The following PIGV variants were observed in gnomAD, a reference collection of about 807,000 sequenced individuals.
PIGV encodes GPI alpha-1,6-mannosyltransferase 2.
PIGV carries 27 observed loss-of-function variants against 39.2 expected under a neutral mutation model. The ratio of observed to expected loss-of-function variants is 0.69; its 90% CI spans 0.51 to 0.95. PIGV has a LOEUF of 0.95. Ranked by LOEUF, PIGV falls within the 40% of genes least tolerant of loss-of-function variation. The probability of loss-of-function intolerance (pLI) is 0.00; values close to 1 mark genes in which losing one functional copy is unlikely to be tolerated. For missense variants in PIGV, 523 were observed against 586.4 expected, an observed-to-expected ratio of 0.89 and a Z score of 1.12; for synonymous variants, 232 against 241.7, an observed-to-expected ratio of 0.96 and a Z score of 0.37.
At position 26,798,246 on chromosome 1, in the gene PIGV, A is replaced by G; in HGVS notation, c.*402A>G. ...CTGGTAACAGTCCACACAAGATGGT[A>G]TAGGCCTGAACAGTGTAGTGGCAGT... On this transcript the variant is annotated 3_prime_UTR_variant, in exon 4 of 4. Transcript: ENST00000674202. 3.5e-6 allele frequency: 1 copy of G among 287,334 alleles called. No homozygotes were observed. The highest frequency in any genetic ancestry group is 3.6e-5 in the South Asian group (1 of 28,138). 17.8% of individuals were successfully genotyped at this position (287,334 alleles called of 1,614,324 possible).
Position 26,790,779 on chromosome 1 carries a change from C to G in PIGV, c.-37C>G. On this transcript the variant is annotated 5_prime_UTR_variant, in exon 2 of 4. Coordinates refer to ENST00000674202, the MANE Select transcript of PIGV (RefSeq NM_017837.4). ...TTTAGAGGCCTGAGGGAGCTCAATC[C>G]TGGTAGCAACACCCCTGAATTCCTG... 1.3e-6 allele frequency: 2 copies of G among 1,565,630 alleles called. No individual in the cohort carries two copies. The highest frequency in any genetic ancestry group is 1.8e-6 in the Non-Finnish European group (2 of 1,135,682).
rs911223006 is a variant in PIGV, at chr1:26,798,950, G to C, written c.*1106G>C. Among the ~76,000 whole-genome samples the C allele has an allele frequency of 6.6e-6, 1 of 152,146 alleles. No individual in the cohort carries two copies. The highest frequency in any genetic ancestry group is 1.5e-5 in the Non-Finnish European group (1 of 68,010). Reference sequence around the variant, plus strand: ...AAATGATGATATTCTTCAGGGGGTGGTGGTGAATGATGCAGTCTCTTGTAG... The same window carrying C: ...AAATGATGATATTCTTCAGGGGGTGCTGGTGAATGATGCAGTCTCTTGTAG... On this transcript the variant is annotated 3_prime_UTR_variant, in exon 4 of 4. Coordinates refer to ENST00000674202, the MANE Select transcript of PIGV (RefSeq NM_017837.4).
At chr1:26,793,989 C>T (rs1320564209) in intron 2 of PIGV, 124 bp from the exon 3 acceptor site, 1 of 873,552 alleles carries the variant, frequency 1.1e-6, no homozygotes, top group Non-Finnish European at 1.9e-6. Flanking sequence ...AAGTAATCCT[C>T]CCATCTCAGC....
intron 1 of PIGV, chr1:26,788,679 C>G (rs909077724): frequency 6.6e-6 from 1 of 152,148 alleles, no homozygotes; most frequent in African/African-American, 2.4e-5. Context: ...GCCCTGGGTA[C>G]GTCACTTGAC....
chr1:26,791,521 G>A (rs764633608), intron 2 of PIGV, among the ~76,000 whole-genome samples: 20 of 152,134 alleles, frequency 1.3e-4, no homozygotes, highest in Non-Finnish European at 2.4e-4. Flanking sequence ...ACAGTGCTTG[G>A]TGCCTAGCTC....
chr1:26,794,594 G>A lies in PIGV; in HGVS notation c.560G>A (p.Gly187Asp). 6.2e-7 allele frequency: 1 copy of A among 1,614,240 alleles called. No homozygotes were observed. The highest frequency in any genetic ancestry group is 1.1e-5 in the South Asian group (1 of 91,090). The stretch of plus-strand genomic sequence containing the variant: ...AGTGCCATGGGGCAGCTGGAGAGGG[G>A]CCGAGTCTGGACTAGTGTACTCCTC... ...TFSAMGQLERGRVWTSVLLFA... is the reference protein window; with the variant it reads ...TFSAMGQLERDRVWTSVLLFA... The change falls in exon 3 of 4, where the codon GGC (glycine) becomes GAC (aspartate). Residue 187 changes from glycine to aspartate, a missense_variant. By Grantham distance (94) the Gly-to-Asp change is moderately conservative (BLOSUM62 -1). Transcript: ENST00000674202.
Position 26,794,565 on chromosome 1 carries a change from A to G in PIGV, c.531A>G (p.Thr177=), listed in dbSNP as rs1057515474. The G allele has an allele frequency of 3.7e-6, 6 of 1,614,190 alleles. No individual in the cohort carries two copies. Among genetic ancestry groups the G allele is most frequent in the Admixed American group, 3.3e-5 (2 of 60,026 alleles). Residue 177 remains threonine (T), a synonymous_variant, in exon 3 of 4, where the codon ACA becomes ACG. Coordinates refer to ENST00000674202, the MANE Select transcript of PIGV (RefSeq NM_017837.4). ...CAGAAGCTTTGTTTGCCCTCCTGACATTCAGTGCCATGGGGCAGCTGGAGA... is the reference window on the plus strand; with the variant it reads ...CAGAAGCTTTGTTTGCCCTCCTGACGTTCAGTGCCATGGGGCAGCTGGAGA... ...GYSEALFALL[T]FSAMGQLERG...
In PIGV at chr1:26,794,672, T is replaced by C. The variant is rs146852030; in HGVS notation, c.638T>C (p.Leu213Pro). 7 of 1,614,136 alleles carry C rather than the reference T, an allele frequency of 4.3e-6. No homozygotes were observed. In the African/African-American group the frequency reaches 5.3e-5, roughly 12 times the overall value. ...RSNGLVSVGF[L>P]MHSQCQGFFS... ...AACGGGCTGGTCAGTGTTGGCTTCCTCATGCATTCTCAATGCCAAGGCTTT... is the reference window on the plus strand; with the variant it reads ...AACGGGCTGGTCAGTGTTGGCTTCCCCATGCATTCTCAATGCCAAGGCTTT... The change falls in exon 3 of 4, where the codon CTC becomes CCC. Residue 213 changes from leucine (L) to proline (P), a missense_variant. Physicochemically the swap from Leu to Pro is moderately conservative, Grantham distance 98. Transcript: ENST00000674202.
At chr1:26,790,301 G>A (rs2081293402) in intron 1 of PIGV, among the ~76,000 whole-genome samples, 1 of 152,038 alleles carries the variant, frequency 6.6e-6, no homozygotes, top group Admixed American at 6.5e-5. Context: ...CCAAATAATA[G>A]CAACCACAAC....
chr1:26,794,472 C>G lies in PIGV; in HGVS notation c.438C>G (p.His146Gln). The change falls in exon 3 of 4, where the codon CAC becomes CAG. Residue 146 changes from histidine (H) to glutamine (Q), a missense_variant. Coordinates refer to ENST00000674202, the MANE Select transcript of PIGV (RefSeq NM_017837.4). Reference protein sequence around the residue: ...DLGCLVLHCPHQSFYAALLFC... With the variant: ...DLGCLVLHCPQQSFYAALLFC... ...GTTGTCTGGTTTTGCACTGTCCCCA[C>G]CAGTCCTTTTATGCAGCTCTGCTTT... 5 of 1,614,238 alleles carry G rather than the reference C, an allele frequency of 3.1e-6. No individual in the cohort carries two copies. Among genetic ancestry groups the G allele is most frequent in the Non-Finnish European group, 4.2e-6 (5 of 1,180,044 alleles).
At chr1:26,795,343 TATTC>T (rs1016739558) in intron 3 of PIGV, 109 bp downstream of exon 3, 1 of 1,266,466 alleles carries the variant, frequency 7.9e-7, no homozygotes, top group Admixed American at 1.7e-5. Flanking sequence ...ATACTGAATT[TATTC>T]ATTCAATGAC....
rs763773056 is a variant in PIGV, at chr1:26,794,766, G to A, written c.732G>A (p.Ser244=). The A allele has an allele frequency of 1.9e-5, 30 of 1,613,926 alleles. No homozygotes were observed. Among genetic ancestry groups the A allele is most frequent in the African/African-American group, 2.7e-5 (2 of 74,860 alleles). ...AGCTGATGGCCTCTCTGTTTCTGTC[G>A]GTGTTCACACTTGGCCTTCCCTTTG... is the stretch of plus-strand genomic sequence containing the variant. The part of the protein sequence containing the change: ...LFKLMASLFL[S]VFTLGLPFAL... Residue 244 remains serine (S), a synonymous_variant, in exon 3 of 4, where the codon TCG becomes TCA. Coordinates refer to ENST00000674202, the MANE Select transcript of PIGV (RefSeq NM_017837.4).
In PIGV at chr1:26,797,865, G is replaced by A. The variant is rs374984126; in HGVS notation, c.*21G>A. ...CATGACCTGGACTCTCCAGGGACAGGTTGGAAGCCAACTTAACCCAGGGGT... is the reference window on the plus strand; with the variant it reads ...CATGACCTGGACTCTCCAGGGACAGATTGGAAGCCAACTTAACCCAGGGGT... On this transcript the variant is annotated 3_prime_UTR_variant, in exon 4 of 4. Coordinates refer to ENST00000674202, the MANE Select transcript of PIGV (RefSeq NM_017837.4). 21 of 1,613,388 alleles carry A rather than the reference G, an allele frequency of 1.3e-5. No individual in the cohort carries two copies. The highest frequency in any genetic ancestry group is 1.1e-4 in the African/African-American group (8 of 75,036).
In PIGV at chr1:26,797,786, T is replaced by A; in HGVS notation, c.1424T>A (p.Phe475Tyr). Residue 475 changes from phenylalanine (F) to tyrosine (Y), a missense_variant, in exon 4 of 4, where the codon TTC (phenylalanine) becomes TAC (tyrosine). By Grantham distance (22) the Phe-to-Tyr change is conservative (BLOSUM62 3). Transcript: ENST00000674202. ...GTCACACGATACATTCTAGGCTACT[T>A]CCTGACTTACTGGCTCCTGGGACTA... ...SPVTRYILGY[F>Y]LTYWLLGLLL... 2 of 1,614,120 alleles carry A rather than the reference T, an allele frequency of 1.2e-6. No homozygotes were observed. The highest frequency in any genetic ancestry group is 1.7e-6 in the Non-Finnish European group (2 of 1,179,982).
intron 2 of PIGV, 122 bp downstream of exon 2, chr1:26,791,015 A>G: frequency 3.8e-6 from 3 of 786,590 alleles, no homozygotes; most frequent in South Asian, 1.5e-5. Flanking sequence ...GGAACCACAG[A>G]GACATAGACT....
rs1293008947 is a variant in PIGV at position 26,800,583 on chromosome 1, G to A, written c.*2739G>A. Among the ~76,000 whole-genome samples the A allele has an allele frequency of 6.6e-6, 1 of 152,032 alleles. No homozygotes were observed. The highest frequency in any genetic ancestry group is 1.5e-5 in the Non-Finnish European group (1 of 68,010). On this transcript the variant is annotated 3_prime_UTR_variant, in exon 4 of 4. Coordinates refer to ENST00000674202, the MANE Select transcript of PIGV (RefSeq NM_017837.4). The stretch of plus-strand genomic sequence containing the variant: ...AAAATGTAATATGTGCAGGCTCAAG[G>A]GATTTGAAACTGATTGATTCTTTCA...
chr1:26,791,739 C>T (rs889864542), intron 2 of PIGV, among the ~76,000 whole-genome samples: 1 of 152,192 alleles, frequency 6.6e-6, no homozygotes, highest in African/African-American at 2.4e-5. Context: ...AACGTGTCCA[C>T]CTGCAGGCTA....
At position 26,792,320 on chromosome 1, in the gene PIGV, A is replaced by T. The variant is rs911742102; in HGVS notation, c.78+1427A>T. Among the ~76,000 whole-genome samples, 709 of 129,266 alleles carry T rather than the reference A, an allele frequency of 5.5e-3. 6 individuals are homozygous for T. Among genetic ancestry groups the T allele is most frequent in the Non-Finnish European group, 6.9e-3 (413 of 60,120 alleles). The allele number at this position is 129,266 out of a possible 152,430, so 84.8% of individuals were successfully genotyped here. ...GCCACCACACCCAGCTAATTTTTGT[A>T]TTTTTTTTTTTTTTTTTTGAGACGG... On this transcript the variant is annotated intron_variant, in intron 2 of 3. Transcript: ENST00000674202.
At chr1:26,787,242 A>G (rs117515613), upstream of PIGV, among the ~76,000 whole-genome samples, 755 of 152,270 alleles carry the variant, frequency 5.0e-3, 22 homozygotes, top group Admixed American at 0.04. Context: ...GCTCCCCCCA[A>G]TAGACGGTTT....
Sources: allele counts gnomAD v4.1 joint callset (sites outside exome capture counted in the v4.1 genomes callset), GRCh38; gene constraint gnomAD v4.1.1; transcripts MANE v1.5; gene names NCBI Gene and HGNC (gene_info 2026-07-23, HGNC 2026-07-21).